The following SGCD variants were observed in gnomAD, a reference collection of about 807,000 sequenced individuals.
SGCD encodes delta-sarcoglycan.
SGCD carries 18 observed loss-of-function variants against 36.6 expected under a neutral mutation model. The ratio of observed to expected loss-of-function variants is 0.49; its 90% CI spans 0.34 to 0.73. The LOEUF (loss-of-function observed/expected upper bound fraction) is 0.73, where lower values mean the gene tolerates loss of function less well. SGCD is among the 30% of genes least tolerant of loss of function. The pLI is 0.01. For missense variants in SGCD, 387 were observed against 346.7 expected (o/e 1.12, Z -0.92); for synonymous variants, 133 against 130.6 (o/e 1.02, Z -0.12).
chr5:155,732,988 C>T, the SGCD span, among the ~76,000 whole-genome samples: 1 of 148,890 alleles, frequency 6.7e-6, no homozygotes, highest in Non-Finnish European at 1.5e-5. Flanking sequence ...AGAAGTATAG[C>T]AATCACAGTG....
intron 2 of SGCD, among the ~76,000 whole-genome samples, chr5:156,332,230 G>A (rs777796012): frequency 3.3e-5 from 5 of 152,292 alleles, no homozygotes; most frequent in Admixed American, 2.6e-4. Flanking sequence ...CAACCCAAAG[G>A]CTTGGACTAT....
At chr5:156,239,851 G>A (rs1485706769) in intron 3 of SGCD, among the ~76,000 whole-genome samples, 2 of 152,106 alleles carry the variant, frequency 1.3e-5, no homozygotes, top group Admixed American at 6.5e-5. Context: ...CCTATAAACT[G>A]TTAGGGAAAC....
chr5:156,729,337 T>G (rs905206745), intron 7 of SGCD, among the ~76,000 whole-genome samples: 5 of 152,184 alleles, frequency 3.3e-5, no homozygotes, highest in African/African-American at 1.2e-4. Flanking sequence ...CAGTAAGGCC[T>G]TAGTTTACTC....
the SGCD span, among the ~76,000 whole-genome samples, chr5:155,750,926 C>T: frequency 6.6e-6 from 1 of 152,124 alleles, no homozygotes; most frequent in Non-Finnish European, 1.5e-5. Flanking sequence ...TTGGTGACTC[C>T]TGGGGCAAAA....
chr5:156,559,676 G>C (rs365187), intron 4 of SGCD, among the ~76,000 whole-genome samples: 16,083 of 152,202 alleles, frequency 0.11, 1,130 homozygotes, highest in Admixed American at 0.16. Flanking sequence ...GATACCTTGA[G>C]AATTAAAGGG....
intron 3 of SGCD, among the ~76,000 whole-genome samples, chr5:156,436,327 A>G (rs758698331): frequency 5.9e-5 from 9 of 152,250 alleles, no homozygotes; most frequent in Non-Finnish European, 1.3e-4. Context: ...AGGCCCACAG[A>G]AAGTGCTCAA....
the SGCD span, among the ~76,000 whole-genome samples, chr5:155,859,383 G>A: frequency 6.6e-6 from 1 of 152,012 alleles, no homozygotes; most frequent in African/African-American, 2.4e-5. Context: ...AGGCTTTCTT[G>A]AGGTATGATT....
chr5:156,345,591 T>C (rs1413385509), intron 3 of SGCD, among the ~76,000 whole-genome samples: 3 of 152,090 alleles, frequency 2.0e-5, no homozygotes, highest in Non-Finnish European at 4.4e-5. Flanking sequence ...TTTGGGAGGC[T>C]GAGTTGGGAG....
intron 3 of SGCD, among the ~76,000 whole-genome samples, chr5:156,320,941 G>C (rs10079754): frequency 0.071 from 10,742 of 152,072 alleles, 409 homozygotes; most frequent in South Asian, 0.19. Context: ...CTTCCCATCA[G>C]GTATTATTTA....
chr5:156,656,769 G>A (rs950610315), intron 7 of SGCD, among the ~76,000 whole-genome samples: 9 of 152,112 alleles, frequency 5.9e-5, no homozygotes, highest in South Asian at 4.1e-4. Context: ...AATAAATAAG[G>A]TATTACTCTG....
At chr5:156,639,490 G>A (rs1762949948) in intron 6 of SGCD, among the ~76,000 whole-genome samples, 2 of 152,174 alleles carry the variant, frequency 1.3e-5, no homozygotes, top group South Asian at 2.1e-4. Context: ...CTATATAAAA[G>A]TGTGGTTACT....
chr5:156,448,904 C>T (rs1753870118), intron 3 of SGCD, among the ~76,000 whole-genome samples: 2 of 151,314 alleles, frequency 1.3e-5, no homozygotes, highest in African/African-American at 4.8e-5. Context: ...ATGCCCCAAC[C>T]CCACCACACC....
intron 3 of SGCD, among the ~76,000 whole-genome samples, chr5:156,501,143 G>T (rs901104720): frequency 2.0e-5 from 3 of 152,170 alleles, no homozygotes; most frequent in Non-Finnish European, 4.4e-5. Context: ...ATGGTCTCTA[G>T]AATTCACGGG....
rs200600544 is a variant in SGCD at position 156,406,790 on chromosome 5, TTATATATATATA to T, written c.192+62132_192+62143del. On this transcript the variant is annotated intron_variant, in intron 3 of 8. Coordinates refer to ENST00000337851, the MANE Select transcript of SGCD (RefSeq NM_000337.6). ...AGAGGGACAGAACTAATAGGAGATT[TTATATATATATA>T]TATATATATATATATATACACACAC... Among the ~76,000 whole-genome samples, 709 of 75,654 alleles carry T rather than the reference TTATATATATATA, an allele frequency of 9.4e-3. 35 individuals are homozygous for T. The highest frequency in any genetic ancestry group is 0.033 in the African/African-American group (640 of 19,570). The allele number at this position is 75,654 out of a possible 152,430, so 49.6% of individuals were successfully genotyped here. A position where few individuals can be genotyped will look rare whatever the true frequency, so the allele number is the denominator to read the frequency against.
At chr5:156,073,766 G>T (rs1263654122) in intron 1 of SGCD, among the ~76,000 whole-genome samples, 2 of 152,180 alleles carry the variant, frequency 1.3e-5, no homozygotes, top group Admixed American at 6.5e-5. Context: ...GATATAGCCA[G>T]GTAAAGCAGT....
At chr5:155,941,845 A>G (rs1392878287) in intron 1 of SGCD, among the ~76,000 whole-genome samples, 1 of 152,194 alleles carries the variant, frequency 6.6e-6, no homozygotes, top group African/African-American at 2.4e-5. Flanking sequence ...TCTTTAAGAC[A>G]ATGTTTCACA....
chr5:155,842,025 C>T, the SGCD span, among the ~76,000 whole-genome samples: 1 of 152,002 alleles, frequency 6.6e-6, no homozygotes, highest in Admixed American at 6.6e-5. Context: ...TCACTAGGAG[C>T]TTGGGCTGTG....
At chr5:156,529,887 G>A (rs1193842789) in intron 4 of SGCD, among the ~76,000 whole-genome samples, 1 of 152,190 alleles carries the variant, frequency 6.6e-6, no homozygotes, top group Non-Finnish European at 1.5e-5. Flanking sequence ...TTCCATGAAT[G>A]ATTGTTTTTA....
the SGCD span, among the ~76,000 whole-genome samples, chr5:155,846,667 C>G: frequency 6.6e-6 from 1 of 152,168 alleles, no homozygotes; most frequent in Non-Finnish European, 1.5e-5. Context: ...ATAAACCCAC[C>G]ACTGCCATCT....
Sources: gnomAD v4.1 joint callset for allele counts (sites outside exome capture counted in the v4.1 genomes callset) on GRCh38, gnomAD v4.1.1 for gene constraint, MANE v1.5 for transcripts, NCBI Gene and HGNC (gene_info 2026-07-23, HGNC 2026-07-21) for gene names.